COL13A1: variants seen among roughly 807,000 people sequenced by gnomAD.
COL13A1 encodes the protein collagen alpha-1(XIII) chain.
Under a neutral mutation model 130.9 loss-of-function variants are expected in COL13A1, and 89 were observed. That is an observed-to-expected ratio of 0.68 (90% CI 0.57 to 0.81). The LOEUF (loss-of-function observed/expected upper bound fraction) is 0.81, where lower values mean the gene tolerates loss of function less well. Among genes scored for constraint, COL13A1 ranks in the 30% least tolerant of loss-of-function variants. The pLI is 0.00. For missense variants in COL13A1, 879 were observed against 934.6 expected, an observed-to-expected ratio of 0.94 and a Z score of 0.78; for synonymous variants, 402 against 341.6, an observed-to-expected ratio of 1.18 and a Z score of -1.95.
At chr10:69,911,516 C>G (rs1447960951) in intron 17 of COL13A1, among the ~76,000 whole-genome samples, 1 of 152,232 alleles carries the variant, frequency 6.6e-6, no homozygotes, top group African/African-American at 2.4e-5. Context: ...ATCCCAAAGC[C>G]TTGCTCTGAA....
intron 34 of COL13A1, 97 bp downstream of exon 34, chr10:69,937,812 TC>T: frequency 1.5e-6 from 1 of 663,100 alleles, no homozygotes; most frequent in South Asian, 1.8e-5. Flanking sequence ...GGTTCTAGAG[TC>T]TGAGCATCCA....
chr10:69,866,418 A>G (rs1193905685), intron 2 of COL13A1, among the ~76,000 whole-genome samples: 1 of 152,198 alleles, frequency 6.6e-6, no homozygotes, highest in Admixed American at 6.5e-5. Context: ...TTTTGTCACC[A>G]GCCTGCTTCT....
chr10:69,885,390 T>C (rs2060507345), intron 7 of COL13A1, among the ~76,000 whole-genome samples: 1 of 152,206 alleles, frequency 6.6e-6, no homozygotes, highest in South Asian at 2.1e-4. Context: ...TTGGAAGAGA[T>C]GTCTAACCTC....
intron 2 of COL13A1, among the ~76,000 whole-genome samples, chr10:69,830,273 C>G (rs1219364163): frequency 6.6e-6 from 1 of 152,216 alleles, no homozygotes; most frequent in African/African-American, 2.4e-5. Context: ...AGAAGAGATG[C>G]TCACTGCAAC....
intron 9 of COL13A1, among the ~76,000 whole-genome samples, chr10:69,889,094 G>A (rs1043237195): frequency 5.3e-5 from 8 of 152,210 alleles, no homozygotes; most frequent in East Asian, 3.9e-4. Flanking sequence ...CTCATGTCAC[G>A]GGACCAGGCA....
intron 26 of COL13A1, 26 bp from the exon 27 acceptor site, chr10:69,927,061 C>T (rs1356417874): frequency 6.2e-7 from 1 of 1,613,776 alleles, no homozygotes; most frequent in Non-Finnish European, 8.5e-7. Context: ...TGCTCTTCAA[C>T]TGATTGCCTG....
chr10:69,803,499 G>A, intron 1 of COL13A1, among the ~76,000 whole-genome samples: 1 of 152,076 alleles, frequency 6.6e-6, no homozygotes, highest in Middle Eastern at 3.2e-3. Flanking sequence ...GGAAAGGCTG[G>A]GCCTTGACAG....
chr10:69,939,353 C>A (rs1007955860), intron 34 of COL13A1, among the ~76,000 whole-genome samples: 1 of 152,216 alleles, frequency 6.6e-6, no homozygotes, highest in African/African-American at 2.4e-5. Context: ...TATGTGAAAT[C>A]TTTCCATTTT....
chr10:69,931,398 G>A, intron 30 of COL13A1: 1 of 341,534 alleles, frequency 2.9e-6, no homozygotes, highest in South Asian at 2.2e-5. Flanking sequence ...CCTGGGAGCA[G>A]GCAGGGAGGG....
At position 69,945,085 on chromosome 10, in the gene COL13A1, G is replaced by A. The variant is rs760148230; in HGVS notation, c.1969-586G>A. On this transcript the variant is annotated intron_variant, in intron 36 of 40. Transcript: ENST00000645393. ...AGGGGAGCTGTGTCTTTCTATATCA[G>A]CTCTTCCCAGCCAGCCCCTGGGTTC... Among the ~76,000 whole-genome samples, 4 of 151,944 alleles carry A rather than the reference G, an allele frequency of 2.6e-5. No homozygotes were observed. In the East Asian group the frequency reaches 7.7e-4, roughly 29 times the overall value.
chr10:69,836,489 G>A (rs1564803494), intron 2 of COL13A1, among the ~76,000 whole-genome samples: 1 of 152,240 alleles, frequency 6.6e-6, no homozygotes, highest in Non-Finnish European at 1.5e-5. Flanking sequence ...CCATGCAAAG[G>A]GGAGCTGGCT....
At chr10:69,932,483 G>A in intron 30 of COL13A1, 77 bp from the exon 31 acceptor site, 1 of 1,029,164 alleles carries the variant, frequency 9.7e-7, no homozygotes, top group Non-Finnish European at 1.5e-6. Context: ...AGTCTAGTTT[G>A]TCACAGATGT....
At chr10:69,949,957 TGTGTGTGC>T (rs1375209628) in intron 38 of COL13A1, among the ~76,000 whole-genome samples, 2 of 141,496 alleles carry the variant, frequency 1.4e-5, no homozygotes, top group African/African-American at 5.3e-5. Context: ...TGCGTGTGTT[TGTGTGTGC>T]GTGTGTGTGT....
At chr10:69,816,819 C>T (rs1417895762) in intron 1 of COL13A1, among the ~76,000 whole-genome samples, 5 of 152,152 alleles carry the variant, frequency 3.3e-5, no homozygotes, top group Non-Finnish European at 5.9e-5. Flanking sequence ...ACCTGCAGGA[C>T]AGTTCTTAGG....
At chr10:69,857,985 G>C (rs945027184) in intron 2 of COL13A1, among the ~76,000 whole-genome samples, 1 of 151,974 alleles carries the variant, frequency 6.6e-6, no homozygotes, top group African/African-American at 2.4e-5. Flanking sequence ...GCATGGTGGC[G>C]CATGCCTGTA....
At chr10:69,854,009 A>G (rs987437007) in intron 2 of COL13A1, among the ~76,000 whole-genome samples, 1 of 152,244 alleles carries the variant, frequency 6.6e-6, no homozygotes, top group African/African-American at 2.4e-5. Context: ...ACTAAAAAAA[A>G]TTTTAAAGCA....
intron 34 of COL13A1, 43 bp downstream of exon 34, chr10:69,937,758 C>T (rs2067127060): frequency 1.1e-6 from 1 of 895,878 alleles, no homozygotes; most frequent in South Asian, 1.3e-5. Flanking sequence ...TTTGATGGGC[C>T]AGGGGTGTGG....
intron 2 of COL13A1, chr10:69,829,117 C>A: frequency 4.1e-6 from 2 of 483,068 alleles, no homozygotes; most frequent in Non-Finnish European, 5.4e-6. Context: ...AGCATCTAAG[C>A]CATGACCTGG....
Position 69,935,396 on chromosome 10 carries a change from G to A in COL13A1, c.1770+5G>A, listed in dbSNP as rs1470267163. The A allele has an allele frequency of 6.4e-7, 1 of 1,556,484 alleles. No homozygotes were observed. The highest frequency in any genetic ancestry group is 8.7e-7 in the Non-Finnish European group (1 of 1,150,040). On this transcript the variant is annotated splice_donor_5th_base_variant and intron_variant, in intron 32 of 40. Transcript: ENST00000645393. Reference sequence around the variant, plus strand: ...GAGGGGCCTCCCGGACCTCCGGTAAGTTTGGAGGGCTTGTCAGTGGCCAGT... The same window carrying A: ...GAGGGGCCTCCCGGACCTCCGGTAAATTTGGAGGGCTTGTCAGTGGCCAGT...
Sources: allele counts gnomAD v4.1 joint callset (sites outside exome capture counted in the v4.1 genomes callset), GRCh38; gene constraint gnomAD v4.1.1; transcripts MANE v1.5; gene names NCBI Gene and HGNC (gene_info 2026-07-23, HGNC 2026-07-21).